The following TTC38 variants were observed in gnomAD, a reference collection of about 807,000 sequenced individuals.
The protein encoded by TTC38 is tetratricopeptide repeat protein 38.
Under a neutral mutation model 64.2 loss-of-function variants are expected in TTC38, and 64 were observed. The observed-to-expected ratio is 1.00, with a 90% confidence interval of 0.81 to 1.23. TTC38 has a LOEUF of 1.23. Ranked by LOEUF, TTC38 falls within the 50% of genes most tolerant of loss-of-function variation. TTC38 has a pLI of 0.00. For synonymous variants in TTC38, 254 were observed against 249.3 expected (o/e 1.02, Z -0.18); for missense variants, 573 against 615.5 (o/e 0.93, Z 0.73).
rs948216668 is a variant in TTC38, at chr22:46,275,251, C to G, written c.369C>G (p.Asn123Lys). 6.2e-7 allele frequency: 1 copy of G among 1,612,514 alleles called. No homozygotes were observed. The highest frequency in any genetic ancestry group is 1.3e-5 in the African/African-American group (1 of 74,814). ...AGAAATCTTTCTCGGTTTCCAGGAACTTTCCGAAAGCCTGTGAACTATGGG... is the reference window on the plus strand; with the variant it reads ...AGAAATCTTTCTCGGTTTCCAGGAAGTTTCCGAAAGCCTGTGAACTATGGG... ...VSAVETFANG[N>K]FPKACELWEQ... Residue 123 changes from asparagine to lysine, a missense_variant, in exon 5 of 14, where the codon AAC becomes AAG. This residue lies in a region of TTC38 where 68 missense variants were observed against 107.3 expected (regional missense o/e 0.63). Coordinates refer to ENST00000381031, the MANE Select transcript of TTC38 (RefSeq NM_017931.4). This position sits in a 1 kb window ranked among gnomAD's most constrained non-coding sequence, Gnocchi z 4.5.
Position 46,288,459 on chromosome 22 carries a change from C to T in TTC38, c.953C>T (p.Pro318Leu), listed in dbSNP as rs2077587162. The change falls in exon 11 of 14, where the codon CCT (proline) becomes CTT (leucine). Residue 318 changes from proline to leucine, a missense_variant. Physicochemically the swap from Pro to Leu is moderately conservative, Grantham distance 98. Transcript: ENST00000381031. The stretch of plus-strand genomic sequence containing the variant: ...GGCCAGCGGTGGCAGGATGTCCTGC[C>T]TGTGGCCCGGAAGCACAGCCGAGAC... ...SVGQRWQDVL[P>L]VARKHSRDHI... The T allele has an allele frequency of 6.2e-7, 1 of 1,613,878 alleles. No individual in the cohort carries two copies. Among genetic ancestry groups the T allele is most frequent in the Non-Finnish European group, 8.5e-7 (1 of 1,179,928 alleles).
In TTC38 at chr22:46,281,118, T is replaced by A. The variant is rs1601876621; in HGVS notation, c.616-481T>A. 6.6e-6 allele frequency among the ~76,000 whole-genome samples: 1 copy of A among 152,178 alleles called. No homozygotes were observed. The highest frequency in any genetic ancestry group is 1.5e-5 in the Non-Finnish European group (1 of 68,030). ...CCACGTGTCCTCACATATATGGTAG[T>A]GGGAAGAGGCAGTCACAGCCACTGG... On this transcript the variant is annotated intron_variant, in intron 6 of 13. Transcript: ENST00000381031. The surrounding 1 kb of genome is among the most constrained non-coding windows in gnomAD (Gnocchi z 5.2).
Position 46,283,953 on chromosome 22 carries a change from C to CGT in TTC38, c.736-20_736-19insGT, listed in dbSNP as rs765393027. On this transcript the variant is annotated intron_variant, in intron 7 of 13. Transcript: ENST00000381031. ...GGCCTTCAGACTTTTCATAAATTCT[C>CGT]TTTTTTTTTTTTTCTCCAGGACTCT... 343 of 1,311,968 alleles carry CGT rather than the reference C, an allele frequency of 2.6e-4. No individual in the cohort carries two copies. The highest frequency in any genetic ancestry group is 2.0e-3 in the African/African-American group (129 of 65,416). 81.3% of individuals were successfully genotyped at this position (1,311,968 alleles called of 1,614,324 possible).
chr22:46,283,851 C>CAAAA (rs58477670), intron 7 of TTC38, 122 bp from the exon 8 acceptor site: 104 of 210,678 alleles, frequency 4.9e-4, no homozygotes, highest in Middle Eastern at 1.7e-3. Context: ...GACTTAGTCT[C>CAAAA]AAAAAAAAAA....
intron 7 of TTC38, among the ~76,000 whole-genome samples, chr22:46,283,102 A>C (rs2077546628): frequency 6.6e-6 from 1 of 151,776 alleles, no homozygotes; most frequent in Non-Finnish European, 1.5e-5. Context: ...CTAATTAAAA[A>C]AATTTTTTTT....
Position 46,273,454 on chromosome 22 carries a change from A to C in TTC38, c.194-444A>C, listed in dbSNP as rs1936939330. Among the ~76,000 whole-genome samples the C allele has an allele frequency of 6.6e-6, 1 of 152,128 alleles. No individual in the cohort carries two copies. The highest frequency in any genetic ancestry group is 2.1e-4 in the South Asian group (1 of 4,824). On this transcript the variant is annotated intron_variant, in intron 3 of 13. Coordinates refer to ENST00000381031, the MANE Select transcript of TTC38 (RefSeq NM_017931.4). The surrounding 1 kb of genome is among the most constrained non-coding windows in gnomAD (Gnocchi z 5.1). ...CCACAAGGCACTCACCCCCACCCTA[A>C]CTTTTAGCATGTGTGAGCAGCACAG...
At chr22:46,269,156 G>C in intron 2 of TTC38, 1 of 433,620 alleles carries the variant, frequency 2.3e-6, no homozygotes, top group Non-Finnish European at 4.7e-6. Context: ...CTGAGTGGTG[G>C]GTGGACAGCG....
At position 46,273,434 on chromosome 22, in the gene TTC38, A is replaced by G. The variant is rs576834598; in HGVS notation, c.194-464A>G. Among the ~76,000 whole-genome samples, 5 of 152,334 alleles carry G rather than the reference A, an allele frequency of 3.3e-5. No homozygotes were observed. The highest frequency in any genetic ancestry group is 7.4e-5 in the Non-Finnish European group (5 of 68,018). ...CAGCAAGGCTGCTGCGAGGGCCACA[A>G]GGCACTCACCCCCACCCTAACTTTT... On this transcript the variant is annotated intron_variant, in intron 3 of 13. Coordinates refer to ENST00000381031, the MANE Select transcript of TTC38 (RefSeq NM_017931.4). The surrounding 1 kb of genome is among the most constrained non-coding windows in gnomAD (Gnocchi z 5.1).
Position 46,274,112 on chromosome 22 carries a change from A to G in TTC38, c.365+43A>G, listed in dbSNP as rs1354293302. ...GCTGGGAGCTGGCACCCTGAGGCTG[A>G]GCTGGGGGAGTGGCAGGGTATCCCT... is the stretch of plus-strand genomic sequence containing the variant. On this transcript the variant is annotated intron_variant, in intron 4 of 13. Transcript: ENST00000381031. The surrounding 1 kb of genome is among the most constrained non-coding windows in gnomAD (Gnocchi z 4.8). 1.4e-5 allele frequency: 13 copies of G among 922,058 alleles called. No individual in the cohort carries two copies. Among genetic ancestry groups the G allele is most frequent in the East Asian group, 4.4e-5 (1 of 22,624 alleles). The allele number at this position is 922,058 out of a possible 1,614,324, so 57.1% of individuals were successfully genotyped here. A position where few individuals can be genotyped will look rare whatever the true frequency, so the allele number is the denominator to read the frequency against.
Position 46,278,657 on chromosome 22 carries a change from A to G in TTC38, c.611A>G (p.Lys204Arg), listed in dbSNP as rs142889261. 2,855 of 1,613,998 alleles carry G rather than the reference A, an allele frequency of 1.8e-3. 53 individuals carry two copies. The African/African-American group carries it at 0.034, about 19-fold the overall frequency. ...TACGACCAGGCAGAAAAACTCGCCAAAGAGGTAAGTGGGTCCTTCCTAAGG... is the reference window on the plus strand; with the variant it reads ...TACGACCAGGCAGAAAAACTCGCCAGAGAGGTAAGTGGGTCCTTCCTAAGG... ...NFYDQAEKLA[K>R]EALSINPTDA... Residue 204 changes from lysine to arginine, a missense_variant, in exon 6 of 14, where the codon AAA becomes AGA. Lys to Arg is a conservative substitution (Grantham distance 26, BLOSUM62 2). Transcript: ENST00000381031.
chr22:46,268,633 C>G, intron 2 of TTC38, 42 bp downstream of exon 2: 1 of 1,580,054 alleles, frequency 6.3e-7, no homozygotes, highest in Non-Finnish European at 8.7e-7. Flanking sequence ...CTGTGGAGGT[C>G]TAGGGGAAGG....
At chr22:46,279,853 G>A (rs2147792858) in intron 6 of TTC38, among the ~76,000 whole-genome samples, 1 of 152,270 alleles carries the variant, frequency 6.6e-6, no homozygotes, top group East Asian at 1.9e-4. Context: ...GGGCCCTCCT[G>A]TGGGTGGCAT....
At chr22:46,277,996 C>G (rs1413718757) in intron 5 of TTC38, among the ~76,000 whole-genome samples, 8 of 152,222 alleles carry the variant, frequency 5.3e-5, no homozygotes, top group African/African-American at 1.7e-4. Flanking sequence ...GGGCCGCTCT[C>G]CGTGCTGGGC....
In TTC38 at chr22:46,291,812, C is replaced by T. The variant is rs772377475; in HGVS notation, c.1317-979C>T. ...TCTACTAAAAATACAAAAAATTAGC[C>T]GGGCGTGGTGGTGGGTACCTGTAAT... On this transcript the variant is annotated intron_variant, in intron 13 of 13. Coordinates refer to ENST00000381031, the MANE Select transcript of TTC38 (RefSeq NM_017931.4). The surrounding 1 kb of genome is among the most constrained non-coding windows in gnomAD (Gnocchi z 4.6). Among the ~76,000 whole-genome samples, 27 of 152,080 alleles carry T rather than the reference C, an allele frequency of 1.8e-4. No homozygotes were observed. The highest frequency in any genetic ancestry group is 2.9e-4 in the Non-Finnish European group (20 of 68,020).
chr22:46,277,036 T>C (rs1356387395), intron 5 of TTC38, among the ~76,000 whole-genome samples: 4 of 78,202 alleles, frequency 5.1e-5, no homozygotes, highest in African/African-American at 2.5e-4. Flanking sequence ...AAACAATACA[T>C]ATATATACAT....
chr22:46,292,952 A>G lies in TTC38; in HGVS notation c.*68A>G, dbSNP rs543650298. On this transcript the variant is annotated 3_prime_UTR_variant, in exon 14 of 14. Transcript: ENST00000381031. This position sits in a 1 kb window ranked among gnomAD's most constrained non-coding sequence, Gnocchi z 6.5. Reference sequence around the variant, plus strand: ...GTCACTGCGTCCAGTCAGCTGCTCCACCGGGTTAGGGTCAGGAGACGGCCA... The same window carrying G: ...GTCACTGCGTCCAGTCAGCTGCTCCGCCGGGTTAGGGTCAGGAGACGGCCA... 92 of 1,307,498 alleles carry G rather than the reference A, an allele frequency of 7.0e-5. No individual in the cohort carries two copies. Among genetic ancestry groups the G allele is most frequent in the Non-Finnish European group, 9.7e-5 (88 of 906,922 alleles). 81.0% of individuals were successfully genotyped at this position (1,307,498 alleles called of 1,614,324 possible).
chr22:46,281,922 C>G lies in TTC38; in HGVS notation c.735+204C>G. On this transcript the variant is annotated intron_variant, in intron 7 of 13. Transcript: ENST00000381031. The surrounding 1 kb of genome is among the most constrained non-coding windows in gnomAD (Gnocchi z 5.2). ...GTCCCCACCCCAGGCCCATACCTTG[C>G]CCTAGGGACTCCACTGAGGGTCCAG... The G allele has an allele frequency of 1.4e-6, 1 of 710,294 alleles. No homozygotes were observed. Among genetic ancestry groups the G allele is most frequent in the Non-Finnish European group, 2.5e-6 (1 of 400,678 alleles). 44.0% of individuals were successfully genotyped at this position (710,294 alleles called of 1,614,324 possible).
At chr22:46,268,393 G>A (rs1404605485) in intron 1 of TTC38, 121 bp from the exon 2 acceptor site, 7 of 1,084,596 alleles carry the variant, frequency 6.5e-6, no homozygotes, top group Admixed American at 2.1e-5. Context: ...AGGACTGGGA[G>A]CCTGAGCCCA....
chr22:46,277,629 A>G (rs975212913), intron 5 of TTC38, among the ~76,000 whole-genome samples: 7 of 130,016 alleles, frequency 5.4e-5, no homozygotes, highest in Non-Finnish European at 8.2e-5. Flanking sequence ...AAAAAAAAAA[A>G]GAGAGAGATT....
Sources: allele counts gnomAD v4.1 joint callset (sites outside exome capture counted in the v4.1 genomes callset), GRCh38; gene constraint gnomAD v4.1.1; regional missense constraint gnomAD v4.1.1; non-coding constraint Gnocchi (gnomAD v3.1); transcripts MANE v1.5; gene names NCBI Gene and HGNC (gene_info 2026-07-23, HGNC 2026-07-21).